The following NBPF11 variants were observed in gnomAD, a reference collection of about 807,000 sequenced individuals.
The protein encoded by NBPF11 is NBPF family member NBPF11.
Under a neutral mutation model 93.9 loss-of-function variants are expected in NBPF11, and 72 were observed. The observed-to-expected ratio is 0.77, with a 90% CI of 0.63 to 0.93. The LOEUF is 0.93. Ranked by LOEUF, NBPF11 falls within the 40% of genes least tolerant of loss-of-function variation. The pLI, the probability that NBPF11 is intolerant of heterozygous loss-of-function variation, is 0.00. For synonymous variants in NBPF11, 224 were observed against 304.9 expected (o/e 0.73, Z 2.76); for missense variants, 705 against 802.2 (o/e 0.88, Z 1.46).
intron 1 of NBPF11, chr1:148,149,399 G>T (rs1647670852): frequency 6.3e-7 from 1 of 1,582,162 alleles, no homozygotes; most frequent in South Asian, 1.1e-5. Context: ...CAGGGAGGAC[G>T]AGGTGATCGA....
At chr1:148,138,906 C>A (rs1350028852) in intron 2 of NBPF11, among the ~76,000 whole-genome samples, 3 of 151,518 alleles carry the variant, frequency 2.0e-5, no homozygotes, top group Non-Finnish European at 4.4e-5. Context: ...ACCTGGCCAA[C>A]ATGAAGAAAC....
At chr1:148,146,425 T>C (rs1227683793) in intron 1 of NBPF11, 4 of 1,603,674 alleles carry the variant, frequency 2.5e-6, no homozygotes, top group East Asian at 4.5e-5. Flanking sequence ...TGAGCTCTGC[T>C]GCCTCTTCTG....
intron 7 of NBPF11, 98 bp downstream of exon 7, chr1:148,123,755 A>G (rs1352170367): frequency 1.2e-6 from 2 of 1,609,012 alleles, no homozygotes; most frequent in South Asian, 1.1e-5. Context: ...GTAGTAGAAA[A>G]AAACCCCACT....
chr1:148,140,201 T>C (rs1460013819), intron 2 of NBPF11, among the ~76,000 whole-genome samples: 3 of 152,004 alleles, frequency 2.0e-5, no homozygotes, highest in East Asian at 3.9e-4. Context: ...TTCCAACTAG[T>C]GGTGCTAGAA....
At chr1:148,146,616 C>G (rs1274064657) in intron 1 of NBPF11, 1 of 1,610,920 alleles carries the variant, frequency 6.2e-7, no homozygotes, top group East Asian at 2.2e-5. Context: ...CGGAGCGTGC[C>G]GACTTCCAGT....
chr1:148,108,146 T>C (rs1409805481), intron 18 of NBPF11, among the ~76,000 whole-genome samples: 1 of 148,046 alleles, frequency 6.8e-6, no homozygotes, highest in African/African-American at 2.5e-5. Flanking sequence ...TTTTAGATGC[T>C]GAAAGTAGAG....
intron 16 of NBPF11, 147 bp downstream of exon 16, chr1:148,110,231 C>T (rs1553268363): frequency 1.1e-5 from 10 of 942,684 alleles, no homozygotes; most frequent in South Asian, 6.4e-5. Flanking sequence ...GACTCGACTC[C>T]AGAGTGATTG....
At chr1:148,146,427 C>T (rs1673091382) in intron 1 of NBPF11, 7 of 1,603,814 alleles carry the variant, frequency 4.4e-6, no homozygotes, top group East Asian at 2.2e-5. Flanking sequence ...AGCTCTGCTG[C>T]CTCTTCTGCT....
chr1:148,123,931 A>G lies in NBPF11; in HGVS notation c.415T>C (p.Ser139Pro). ...TGTTCTTGGAGGTCCTGCCCCTGGG[A>G]CTTGTCCGGCTCATCCGGAGTGAGG... Reference protein sequence around the residue: ...ALLTPDEPDKSQGQDLQEQLA... With the variant: ...ALLTPDEPDKPQGQDLQEQLA... Residue 139 changes from serine to proline, a missense_variant, in exon 7 of 24, where the codon TCC (serine) becomes CCC (proline). By Grantham distance (74) the Ser-to-Pro change is moderately conservative. Coordinates refer to ENST00000682118, the MANE Select transcript of NBPF11 (RefSeq NM_001385469.3). The G allele has an allele frequency of 6.3e-7, 1 of 1,588,974 alleles. No homozygotes were observed. The highest frequency in any genetic ancestry group is 8.6e-7 in the Non-Finnish European group (1 of 1,159,532).
chr1:148,149,347 G>T, intron 1 of NBPF11: 1 of 1,597,100 alleles, frequency 6.3e-7, no homozygotes, highest in Non-Finnish European at 8.5e-7. Context: ...CTAACATCGA[G>T]AAGGTGTCCA....
intron 2 of NBPF11, among the ~76,000 whole-genome samples, chr1:148,140,575 C>G (rs1231790388): frequency 4.2e-5 from 6 of 141,330 alleles, no homozygotes; most frequent in Non-Finnish European, 6.2e-5. Context: ...CTAAACAACA[C>G]AAAGCAAAAA....
Position 148,143,061 on chromosome 1 carries a change from T to A in NBPF11, c.-277+354A>T, listed in dbSNP as rs1365372219. Among the ~76,000 whole-genome samples, 1,009 of 134,960 alleles carry A rather than the reference T, an allele frequency of 7.5e-3. 2 individuals are homozygous for A. Among genetic ancestry groups the A allele is most frequent in the African/African-American group, 0.027 (966 of 35,320 alleles). The allele number at this position is 134,960 out of a possible 152,430, so 88.5% of individuals were successfully genotyped here. ...TGAAAGCTGAAGAGGAGAAAGCAGG[T>A]GAAAGAGGACAGCAGGGTGGAAACA... On this transcript the variant is annotated intron_variant, in intron 2 of 23. Coordinates refer to ENST00000682118, the MANE Select transcript of NBPF11 (RefSeq NM_001385469.3).
intron 9 of NBPF11, 107 bp from the exon 10 acceptor site, chr1:148,120,817 G>C (rs1273123521): frequency 2.2e-6 from 2 of 891,420 alleles, no homozygotes; most frequent in Non-Finnish European, 1.9e-6. Flanking sequence ...CTTATTTGAA[G>C]ATGTTGTTTC....
intron 1 of NBPF11, among the ~76,000 whole-genome samples, chr1:148,147,440 T>G (rs1673360105): frequency 6.6e-6 from 1 of 152,018 alleles, no homozygotes; most frequent in African/African-American, 2.4e-5. Flanking sequence ...TGGGCCAGCC[T>G]CGATTCCAGA....
intron 4 of NBPF11, among the ~76,000 whole-genome samples, chr1:148,133,641 T>A (rs1341021768): frequency 2.0e-5 from 3 of 151,938 alleles, no homozygotes; most frequent in Non-Finnish European, 4.4e-5. Context: ...TGATATTTTT[T>A]AAATATAAAA....
intron 5 of NBPF11, among the ~76,000 whole-genome samples, chr1:148,126,127 A>G (rs1669050300): frequency 2.0e-5 from 3 of 151,520 alleles, no homozygotes; most frequent in African/African-American, 7.3e-5. Flanking sequence ...CAGCCTCCCG[A>G]TTAGTGGTGA....
At chr1:148,136,434 G>A (rs1414607100) in intron 3 of NBPF11, among the ~76,000 whole-genome samples, 2 of 151,160 alleles carry the variant, frequency 1.3e-5, no homozygotes, top group African/African-American at 2.5e-5. Flanking sequence ...ATGGCTAAAG[G>A]AACAAACTTT....
At chr1:148,149,263 G>A in intron 1 of NBPF11, 1 of 1,596,024 alleles carries the variant, frequency 6.3e-7, no homozygotes, top group Non-Finnish European at 8.5e-7. Flanking sequence ...CGGTGGTGCT[G>A]CACTCGCCGC....
chr1:148,132,281 C>T (rs1670526340), intron 4 of NBPF11, among the ~76,000 whole-genome samples: 1 of 144,432 alleles, frequency 6.9e-6, no homozygotes, highest in African/African-American at 2.6e-5. Context: ...ATATATATGT[C>T]CTAAGAATCA....
Sources: allele counts gnomAD v4.1 joint callset (sites outside exome capture counted in the v4.1 genomes callset), GRCh38; gene constraint gnomAD v4.1.1; transcripts MANE v1.5; gene names NCBI Gene and HGNC (gene_info 2026-07-23, HGNC 2026-07-21).